Variants in RBMS3 observed in about 807,000 individuals in gnomAD.
RBMS3 encodes the protein RNA binding motif single stranded interacting protein 3.
RBMS3 carries 27 observed loss-of-function variants against 66.8 expected under a neutral mutation model. The observed-to-expected ratio is 0.40, with a 90% CI of 0.30 to 0.56. The LOEUF (loss-of-function observed/expected upper bound fraction) is 0.56, where lower values mean the gene tolerates loss of function less well. Ranked by LOEUF, RBMS3 falls within the 20% of genes least tolerant of loss-of-function variation. The probability of loss-of-function intolerance (pLI) is 0.40; values close to 1 mark genes in which losing one functional copy is unlikely to be tolerated. For missense variants in RBMS3, 513 were observed against 549.5 expected, an observed-to-expected ratio of 0.93 and a Z score of 0.66; for synonymous variants, 188 against 183.0, an observed-to-expected ratio of 1.03 and a Z score of -0.22.
chr3:29,735,336 G>A (rs541119298), intron 4 of RBMS3, among the ~76,000 whole-genome samples: 12 of 152,192 alleles, frequency 7.9e-5, no homozygotes, highest in East Asian at 3.9e-4. Context: ...ATATTTTTGC[G>A]TAAGATGACA....
At chr3:29,819,930 C>T (rs1468360795) in intron 6 of RBMS3, among the ~76,000 whole-genome samples, 3 of 151,968 alleles carry the variant, frequency 2.0e-5, no homozygotes, top group Non-Finnish European at 4.4e-5. Context: ...TGCAGTGGCC[C>T]ATTTCTGTAA....
chr3:29,284,045 T>C (rs2032050678), intron 1 of RBMS3, among the ~76,000 whole-genome samples: 1 of 152,168 alleles, frequency 6.6e-6, no homozygotes, highest in Non-Finnish European at 1.5e-5. Flanking sequence ...ACATCACTTT[T>C]TGTTCCTTCT....
intron 3 of RBMS3, among the ~76,000 whole-genome samples, chr3:29,505,801 T>C (rs1576043557): frequency 1.3e-5 from 2 of 151,892 alleles, no homozygotes; most frequent in South Asian, 2.1e-4. Context: ...ATCTCCTTGG[T>C]TAAATTTAAT....
intron 4 of RBMS3, among the ~76,000 whole-genome samples, chr3:29,636,032 T>C (rs965468233): frequency 2.7e-4 from 32 of 120,340 alleles, no homozygotes; most frequent in Non-Finnish European, 4.8e-4. Context: ...GATGCTGTCA[T>C]CAAGAATGTG....
At chr3:29,689,654 C>T (rs9812404) in intron 4 of RBMS3, among the ~76,000 whole-genome samples, 6,808 of 152,000 alleles carry the variant, frequency 0.045, 178 homozygotes, top group Admixed American at 0.073. Flanking sequence ...AATTAGAAGG[C>T]TTGCTTTGTA....
intron 4 of RBMS3, among the ~76,000 whole-genome samples, chr3:29,701,906 C>A (rs1268719044): frequency 2.0e-5 from 3 of 152,186 alleles, no homozygotes; most frequent in Admixed American, 2.0e-4. Context: ...ATCGACCGCC[C>A]AAAGGCTGAG....
chr3:29,827,507 C>A (rs1183959769), intron 6 of RBMS3, among the ~76,000 whole-genome samples: 1 of 152,090 alleles, frequency 6.6e-6, no homozygotes, highest in Non-Finnish European at 1.5e-5. Context: ...TTTATCTAAT[C>A]TTTCTCCTTT....
intron 4 of RBMS3, among the ~76,000 whole-genome samples, chr3:29,626,201 C>T (rs2049055762): frequency 6.6e-6 from 1 of 152,108 alleles, no homozygotes; most frequent in African/African-American, 2.4e-5. Flanking sequence ...ATAATTTGTT[C>T]TAGGACAAGT....
chr3:29,602,168 A>G (rs1007272823), intron 4 of RBMS3, among the ~76,000 whole-genome samples: 1 of 151,976 alleles, frequency 6.6e-6, no homozygotes, highest in Non-Finnish European at 1.5e-5. Flanking sequence ...CACTGACACA[A>G]GTTAGTTTTT....
At chr3:29,560,095 A>T (rs79932302) in intron 3 of RBMS3, among the ~76,000 whole-genome samples, 1,924 of 152,292 alleles carry the variant, frequency 0.013, 42 homozygotes, top group African/African-American at 0.045. Context: ...CAAGAGTGAT[A>T]ATTTCATACA....
intron 1 of RBMS3, among the ~76,000 whole-genome samples, chr3:29,362,219 G>T (rs2037640179): frequency 6.6e-6 from 1 of 152,166 alleles, no homozygotes; most frequent in Non-Finnish European, 1.5e-5. Flanking sequence ...CGTACACATG[G>T]GGTTTTGGTG....
intron 3 of RBMS3, among the ~76,000 whole-genome samples, chr3:29,527,378 G>T (rs188179148): frequency 5.3e-5 from 8 of 152,160 alleles, no homozygotes; most frequent in Admixed American, 4.6e-4. Flanking sequence ...CAGATCTAGT[G>T]CATTGCACTA....
chr3:29,468,506 TGGGCTTTG>T (rs991607008), intron 2 of RBMS3, among the ~76,000 whole-genome samples: 12 of 152,172 alleles, frequency 7.9e-5, no homozygotes, highest in African/African-American at 2.9e-4. Flanking sequence ...TTTGTAGGAC[TGGGCTTTG>T]GGGCTTTCCA....
chr3:29,931,544 T>C (rs1436035296), intron 10 of RBMS3, among the ~76,000 whole-genome samples: 1 of 152,180 alleles, frequency 6.6e-6, no homozygotes, highest in African/African-American at 2.4e-5. Flanking sequence ...AGATAAGGAT[T>C]AATGATTGTT....
intron 2 of RBMS3, among the ~76,000 whole-genome samples, chr3:29,471,033 A>G (rs1250037811): frequency 1.3e-5 from 2 of 152,196 alleles, no homozygotes; most frequent in African/African-American, 4.8e-5. Context: ...GGCACTGGTC[A>G]AACTTAAAAG....
At chr3:29,789,337 G>T (rs1201059246) in intron 6 of RBMS3, among the ~76,000 whole-genome samples, 2 of 151,856 alleles carry the variant, frequency 1.3e-5, no homozygotes, top group Non-Finnish European at 2.9e-5. Context: ...TTTTTCTCTA[G>T]TAATTTTTAT....
intron 4 of RBMS3, among the ~76,000 whole-genome samples, chr3:29,717,981 A>T (rs974148076): frequency 7.2e-5 from 11 of 152,114 alleles, no homozygotes; most frequent in Non-Finnish European, 1.3e-4. Context: ...CCAGATTCTC[A>T]TGGGAAATGG....
At chr3:29,470,736 A>G (rs1484878767) in intron 2 of RBMS3, among the ~76,000 whole-genome samples, 1 of 152,114 alleles carries the variant, frequency 6.6e-6, no homozygotes, top group Non-Finnish European at 1.5e-5. Flanking sequence ...ATGAAGATAT[A>G]CTTGAAATAA....
chr3:29,829,490 T>G (rs2058305401), intron 6 of RBMS3, among the ~76,000 whole-genome samples: 1 of 152,184 alleles, frequency 6.6e-6, no homozygotes, highest in Non-Finnish European at 1.5e-5. Flanking sequence ...CTCACCTAAC[T>G]TAAATCTTCT....
Sources: gnomAD v4.1 joint callset for allele counts (sites outside exome capture counted in the v4.1 genomes callset) on GRCh38, gnomAD v4.1.1 for gene constraint, MANE v1.5 for transcripts, NCBI Gene and HGNC (gene_info 2026-07-23, HGNC 2026-07-21) for gene names.